The following PLOD2 variants were observed in gnomAD, a reference collection of about 807,000 sequenced individuals.
The protein encoded by PLOD2 is procollagen-lysine,2-oxoglutarate 5-dioxygenase 2, also known as lysine hydroxylase 2.
In PLOD2, 65 loss-of-function variants were observed where a neutral mutation model predicts 101.0. The observed-to-expected ratio is 0.64, with a 90% confidence interval of 0.53 to 0.79. The LOEUF (loss-of-function observed/expected upper bound fraction) is 0.79, where lower values mean the gene tolerates loss of function less well. Ranked by LOEUF, PLOD2 falls within the 30% of genes least tolerant of loss-of-function variation. PLOD2 has a pLI of 0.00. For synonymous variants in PLOD2, 314 were observed against 302.9 expected (o/e 1.04, Z -0.38); for missense variants, 909 against 914.6 (o/e 0.99, Z 0.08).
At chr3:146,094,400 T>A (rs1208332881) in intron 7 of PLOD2, among the ~76,000 whole-genome samples, 5 of 152,114 alleles carry the variant, frequency 3.3e-5, no homozygotes, top group Non-Finnish European at 2.9e-5. Context: ...GTTTATCTTT[T>A]GTAATCAGTG....
At chr3:146,073,438 C>G (rs145658936) in intron 15 of PLOD2, 86 bp from the exon 16 acceptor site, 1 of 533,808 alleles carries the variant, frequency 1.9e-6, no homozygotes, top group East Asian at 3.1e-5. Flanking sequence ...AGAAATTATT[C>G]AACTTATAAA....
chr3:146,096,097 C>T (rs979829407), intron 7 of PLOD2, among the ~76,000 whole-genome samples: 2 of 150,446 alleles, frequency 1.3e-5, no homozygotes, highest in South Asian at 2.1e-4. Context: ...CTGTGTTGGC[C>T]GGGCTGGTCT....
At chr3:146,127,872 G>T (rs2030669530) in intron 1 of PLOD2, among the ~76,000 whole-genome samples, 1 of 152,102 alleles carries the variant, frequency 6.6e-6, no homozygotes. Flanking sequence ...ACAGATGTTG[G>T]CATGGATGCA....
chr3:146,123,317 T>C (rs903615494), intron 2 of PLOD2: 1 of 1,142,018 alleles, frequency 8.8e-7, no homozygotes, highest in Non-Finnish European at 1.1e-6. Context: ...GGCTGACAGA[T>C]CCTTCTTTCT....
At chr3:146,129,348 C>G (rs548175270) in intron 1 of PLOD2, among the ~76,000 whole-genome samples, 2 of 152,162 alleles carry the variant, frequency 1.3e-5, no homozygotes, top group East Asian at 1.9e-4. Context: ...TTGTAGTTGT[C>G]TGGCTGGCTG....
chr3:146,092,739 G>A (rs927743979), intron 7 of PLOD2, among the ~76,000 whole-genome samples: 5 of 152,014 alleles, frequency 3.3e-5, no homozygotes, highest in African/African-American at 1.2e-4. Flanking sequence ...GACAGAGGTA[G>A]ACACACTTAG....
At chr3:146,151,924 G>A (rs1383532202) in intron 1 of PLOD2, among the ~76,000 whole-genome samples, 2 of 151,920 alleles carry the variant, frequency 1.3e-5, no homozygotes, top group African/African-American at 4.8e-5. Flanking sequence ...AATTATTGTT[G>A]GCATACATTT....
chr3:146,151,798 GT>G (rs140160253), intron 1 of PLOD2, among the ~76,000 whole-genome samples: 47,599 of 152,042 alleles, frequency 0.31, 7,841 homozygotes, highest in South Asian at 0.42. Flanking sequence ...ATTCTGGTTT[GT>G]TTTTTCTGTT....
Position 146,071,030 on chromosome 3 carries a change from A to C in PLOD2, c.2121+12T>G. On this transcript the variant is annotated intron_variant, in intron 19 of 19. Transcript: ENST00000282903. Reference sequence around the variant, plus strand: ...CTTTTGAAAAATCTAAAAACACAAGAGTCATAATTACCTGAAAGTCTTCTC... The same window carrying C: ...CTTTTGAAAAATCTAAAAACACAAGCGTCATAATTACCTGAAAGTCTTCTC... 1 of 1,598,852 alleles carries C rather than the reference A, an allele frequency of 6.3e-7. No homozygotes were observed. Among genetic ancestry groups the C allele is most frequent in the South Asian group, 1.1e-5 (1 of 90,516 alleles).
intron 7 of PLOD2, 40 bp downstream of exon 7, chr3:146,102,715 A>G (rs1386880665): frequency 1.0e-6 from 1 of 964,208 alleles, no homozygotes; most frequent in Non-Finnish European, 1.7e-6. Context: ...TCCATAGTCT[A>G]TCTCCAAGAA....
At chr3:146,078,007 CTGT>C in intron 13 of PLOD2, 83 bp from the exon 14 acceptor site, 1 of 819,900 alleles carries the variant, frequency 1.2e-6, no homozygotes, top group Non-Finnish European at 2.2e-6. Context: ...ATAATAGCAG[CTGT>C]TGATCAAAAG....
chr3:146,132,037 A>G (rs1049239788), intron 1 of PLOD2, among the ~76,000 whole-genome samples: 50 of 152,178 alleles, frequency 3.3e-4, no homozygotes, highest in African/African-American at 1.1e-3. Context: ...AGTCACTTCC[A>G]ACCTCTAATG....
chr3:146,089,504 T>TTA (rs1255214896), intron 8 of PLOD2, among the ~76,000 whole-genome samples: 1 of 151,632 alleles, frequency 6.6e-6, no homozygotes, highest in Non-Finnish European at 1.5e-5. Flanking sequence ...GAAGACTTGT[T>TTA]TATAATGTCT....
chr3:146,119,971 C>G (rs569965926), intron 3 of PLOD2, among the ~76,000 whole-genome samples: 7 of 152,126 alleles, frequency 4.6e-5, no homozygotes, highest in Non-Finnish European at 2.9e-5. Flanking sequence ...AATGGGATGG[C>G]TGGGTCAAAT....
At chr3:146,158,725 G>C (rs2032421522) in intron 1 of PLOD2, among the ~76,000 whole-genome samples, 1 of 151,758 alleles carries the variant, frequency 6.6e-6, no homozygotes, top group African/African-American at 2.4e-5. Context: ...AGTGCACAGA[G>C]GTTAAGGATA....
intron 3 of PLOD2, among the ~76,000 whole-genome samples, chr3:146,113,673 T>C (rs531916122): frequency 1.3e-5 from 2 of 152,322 alleles, no homozygotes; most frequent in African/African-American, 4.8e-5. Context: ...AATCCCGTCA[T>C]CTTCGTAAGC....
chr3:146,114,192 C>T (rs1046799011), intron 3 of PLOD2, among the ~76,000 whole-genome samples: 3 of 152,044 alleles, frequency 2.0e-5, no homozygotes, highest in East Asian at 1.9e-4. Context: ...TTTAATTTCG[C>T]CCCGGTCCTG....
intron 11 of PLOD2, among the ~76,000 whole-genome samples, chr3:146,084,507 T>C (rs1425768818): frequency 2.0e-5 from 3 of 152,128 alleles, no homozygotes; most frequent in Non-Finnish European, 2.9e-5. Context: ...TGAGAAATAA[T>C]TGTGTTAATA....
At chr3:146,119,206 C>G (rs1938065665) in intron 3 of PLOD2, among the ~76,000 whole-genome samples, 1 of 152,068 alleles carries the variant, frequency 6.6e-6, no homozygotes, top group Non-Finnish European at 1.5e-5. Flanking sequence ...CCCTCACTTC[C>G]TCCTGCTCCA....
Sources: gnomAD v4.1 joint callset for allele counts (sites outside exome capture counted in the v4.1 genomes callset) on GRCh38, gnomAD v4.1.1 for gene constraint, MANE v1.5 for transcripts, NCBI Gene and HGNC (gene_info 2026-07-23, HGNC 2026-07-21) for gene names.